HS6ST3: variants seen among roughly 807,000 people sequenced by gnomAD.
HS6ST3 encodes the protein heparan sulfate 6-O-sulfotransferase 3.
HS6ST3 carries 12 observed loss-of-function variants against 36.7 expected under a neutral mutation model. The observed-to-expected ratio is 0.33, with a 90% CI of 0.21 to 0.53. HS6ST3 has a LOEUF of 0.53. Ranked by LOEUF, HS6ST3 falls within the 20% of genes least tolerant of loss-of-function variation. The pLI is 0.95. For missense variants in HS6ST3, 584 were observed against 640.9 expected, an observed-to-expected ratio of 0.91 and a Z score of 0.96; for synonymous variants, 240 against 257.5, an observed-to-expected ratio of 0.93 and a Z score of 0.65.
At chr13:96,445,955 G>A (rs925325188) in intron 1 of HS6ST3, among the ~76,000 whole-genome samples, 1 of 152,004 alleles carries the variant, frequency 6.6e-6, no homozygotes, top group Non-Finnish European at 1.5e-5. Flanking sequence ...GGCAGATCAC[G>A]AAGTCAGGAG....
chr13:96,360,347 C>G (rs2055231479), intron 1 of HS6ST3, among the ~76,000 whole-genome samples: 1 of 151,960 alleles, frequency 6.6e-6, no homozygotes, highest in Non-Finnish European at 1.5e-5. Context: ...ATTCAGTGCT[C>G]CATTGTTGGG....
chr13:96,571,962 TG>T (rs1335308505), intron 1 of HS6ST3, among the ~76,000 whole-genome samples: 5 of 152,126 alleles, frequency 3.3e-5, no homozygotes, highest in Non-Finnish European at 7.4e-5. Flanking sequence ...AAGGTCAGAG[TG>T]TGCGTAAAGT....
At chr13:96,315,917 A>T (rs1447192720) in intron 1 of HS6ST3, among the ~76,000 whole-genome samples, 5 of 152,178 alleles carry the variant, frequency 3.3e-5, no homozygotes, top group Admixed American at 3.3e-4. Flanking sequence ...TTTAAGAAAA[A>T]TGAGAGTTGA....
intron 1 of HS6ST3, among the ~76,000 whole-genome samples, chr13:96,610,029 C>T (rs1294667942): frequency 1.3e-5 from 2 of 152,148 alleles, no homozygotes; most frequent in African/African-American, 4.8e-5. Context: ...ACATGGCACA[C>T]AAGCACGTGG....
At chr13:96,311,000 A>G (rs1315094525) in intron 1 of HS6ST3, among the ~76,000 whole-genome samples, 1 of 152,174 alleles carries the variant, frequency 6.6e-6, no homozygotes, top group Non-Finnish European at 1.5e-5. Flanking sequence ...TCAGACTTAC[A>G]TGTGGAAGTT....
intron 1 of HS6ST3, among the ~76,000 whole-genome samples, chr13:96,238,627 T>C (rs767928400): frequency 6.6e-6 from 1 of 152,234 alleles, no homozygotes; most frequent in Non-Finnish European, 1.5e-5. Flanking sequence ...AATTTTAGTT[T>C]TCTTTACAAG....
At position 96,467,820 on chromosome 13, in the gene HS6ST3, T is replaced by G. The variant is rs143905816; in HGVS notation, c.708-364670T>G. On this transcript the variant is annotated intron_variant, in intron 1 of 1. Transcript: ENST00000376705. ...TGCCCAAAGTCCTGTAACTACTAGA[T>G]GGTACACTGAGAATTTAAAAACCAG... is the stretch of plus-strand genomic sequence containing the variant. Among the ~76,000 whole-genome samples, 114 of 152,188 alleles carry G rather than the reference T, an allele frequency of 7.5e-4. No individual in the cohort carries two copies. The Middle Eastern group carries it at 0.01, about 14-fold the overall frequency.
chr13:96,468,512 A>C (rs901568303), intron 1 of HS6ST3, among the ~76,000 whole-genome samples: 13 of 136,742 alleles, frequency 9.5e-5, no homozygotes, highest in Admixed American at 2.1e-4. Context: ...ACACACACAC[A>C]CACTCCATAA....
At chr13:96,159,048 C>T (rs1231937177) in intron 1 of HS6ST3, among the ~76,000 whole-genome samples, 2 of 152,022 alleles carry the variant, frequency 1.3e-5, no homozygotes. Context: ...GAGAAGACCC[C>T]CTGAATATGT....
At chr13:96,827,940 A>G (rs1036436624) in intron 1 of HS6ST3, among the ~76,000 whole-genome samples, 2 of 152,350 alleles carry the variant, frequency 1.3e-5, no homozygotes, top group Middle Eastern at 3.4e-3. Flanking sequence ...CAGGATTAAT[A>G]ATGGCATGCC....
intron 1 of HS6ST3, among the ~76,000 whole-genome samples, chr13:96,285,378 A>G (rs1471921701): frequency 6.6e-6 from 1 of 152,210 alleles, no homozygotes; most frequent in African/African-American, 2.4e-5. Flanking sequence ...TCTACTTCTA[A>G]ATTCACGATA....
At chr13:96,317,853 T>C (rs2054983816) in intron 1 of HS6ST3, among the ~76,000 whole-genome samples, 1 of 152,070 alleles carries the variant, frequency 6.6e-6, no homozygotes, top group Non-Finnish European at 1.5e-5. Flanking sequence ...TAGCCACTCA[T>C]ATAGTCTTCT....
rs1052870654 is a variant in HS6ST3, at chr13:96,310,629, C to G, written c.707+219060C>G. ...CCTCCCTGCCTCCCTCCCTATCTCC[C>G]TCCCTCCCTCCTTCTCTATGTCCCT... On this transcript the variant is annotated intron_variant, in intron 1 of 1. Coordinates refer to ENST00000376705, the MANE Select transcript of HS6ST3 (RefSeq NM_153456.4). Among the ~76,000 whole-genome samples, 3 of 148,466 alleles carry G rather than the reference C, an allele frequency of 2.0e-5. No individual in the cohort carries two copies. The East Asian group carries it at 6.0e-4, about 29-fold the overall frequency.
chr13:96,170,809 C>A (rs1339447257), intron 1 of HS6ST3, among the ~76,000 whole-genome samples: 9 of 152,148 alleles, frequency 5.9e-5, no homozygotes. Flanking sequence ...AAAAATTGGA[C>A]AATTGATAGC....
intron 1 of HS6ST3, among the ~76,000 whole-genome samples, chr13:96,256,527 C>T (rs1237304536): frequency 6.6e-6 from 1 of 152,180 alleles, no homozygotes; most frequent in Non-Finnish European, 1.5e-5. Context: ...AGGAAGGCAG[C>T]TTCAGCCTCT....
intron 1 of HS6ST3, among the ~76,000 whole-genome samples, chr13:96,705,251 C>G (rs940383799): frequency 6.6e-6 from 1 of 152,158 alleles, no homozygotes; most frequent in Admixed American, 6.5e-5. Context: ...AGTTTCACTA[C>G]CTAAAAATTC....
At chr13:96,454,507 C>G (rs966072422) in intron 1 of HS6ST3, among the ~76,000 whole-genome samples, 2 of 152,148 alleles carry the variant, frequency 1.3e-5, no homozygotes, top group African/African-American at 4.8e-5. Context: ...ATTCATAATA[C>G]TAACTATATG....
intron 1 of HS6ST3, among the ~76,000 whole-genome samples, chr13:96,485,043 G>A (rs566645323): frequency 2.0e-5 from 3 of 152,198 alleles, no homozygotes; most frequent in Non-Finnish European, 2.9e-5. Flanking sequence ...CAGATGTGAG[G>A]TGATATCTTT....
intron 1 of HS6ST3, among the ~76,000 whole-genome samples, chr13:96,294,352 G>A (rs1158237021): frequency 6.6e-6 from 1 of 152,196 alleles, no homozygotes; most frequent in South Asian, 2.1e-4. Flanking sequence ...CTAGTGTATG[G>A]TATAAAGAAA....
Sources: allele counts gnomAD v4.1 joint callset (sites outside exome capture counted in the v4.1 genomes callset), GRCh38; gene constraint gnomAD v4.1.1; transcripts MANE v1.5; gene names NCBI Gene and HGNC (gene_info 2026-07-23, HGNC 2026-07-21).